The following CNOT4 variants were observed in gnomAD, a reference collection of about 807,000 sequenced individuals.
The protein encoded by CNOT4 is CCR4-NOT transcription complex subunit 4.
A neutral mutation model predicts 73.8 loss-of-function variants in CNOT4; 8 were observed. The ratio of observed to expected loss-of-function variants is 0.11; its 90% confidence interval spans 0.06 to 0.20. The LOEUF is 0.20. CNOT4 is among the 10% of genes least tolerant of loss of function. The pLI is 1.00. For synonymous variants in CNOT4, 293 were observed against 321.1 expected (o/e 0.91, Z 0.94); for missense variants, 564 against 883.4 (o/e 0.64, Z 4.58).
At chr7:135,460,442 A>G (rs1800808177) in intron 1 of CNOT4, among the ~76,000 whole-genome samples, 1 of 152,168 alleles carries the variant, frequency 6.6e-6, no homozygotes, top group African/African-American at 2.4e-5. Flanking sequence ...ACCTAATTTC[A>G]ATATTGTGTT....
intron 2 of CNOT4, among the ~76,000 whole-genome samples, chr7:135,428,757 G>T (rs1168561832): frequency 6.6e-6 from 1 of 151,942 alleles, no homozygotes; most frequent in Non-Finnish European, 1.5e-5. Context: ...CAGAGGAGAA[G>T]AAAGAGAAAA....
chr7:135,402,910 T>C (rs900432859), intron 7 of CNOT4, among the ~76,000 whole-genome samples: 66 of 152,270 alleles, frequency 4.3e-4, no homozygotes, highest in African/African-American at 1.5e-3. Flanking sequence ...TATAGTCTCA[T>C]GATTACTTTA....
chr7:135,509,346 A>AG (rs1804585140), intron 1 of CNOT4, among the ~76,000 whole-genome samples: 2 of 152,132 alleles, frequency 1.3e-5, no homozygotes, highest in Admixed American at 6.6e-5. Context: ...CAAGCACCAG[A>AG]GGGGGGCAAA....
chr7:135,441,267 T>C (rs1799463746), intron 1 of CNOT4, among the ~76,000 whole-genome samples: 2 of 152,034 alleles, frequency 1.3e-5, no homozygotes, highest in African/African-American at 4.8e-5. Flanking sequence ...ACAATTCAAA[T>C]GGCCCTTTAA....
intron 10 of CNOT4, among the ~76,000 whole-genome samples, chr7:135,385,315 C>T (rs1404489947): frequency 1.3e-5 from 2 of 152,226 alleles, no homozygotes; most frequent in Non-Finnish European, 2.9e-5. Flanking sequence ...GATCTCCTTA[C>T]TGCCCTATCC....
chr7:135,374,442 G>A (rs1795405489), intron 10 of CNOT4, among the ~76,000 whole-genome samples: 1 of 151,914 alleles, frequency 6.6e-6, no homozygotes, highest in African/African-American at 2.4e-5. Flanking sequence ...ATGGATAACA[G>A]CAGTGTTTAG....
intron 10 of CNOT4, among the ~76,000 whole-genome samples, chr7:135,379,812 G>C (rs1007498243): frequency 7.9e-5 from 12 of 152,132 alleles, no homozygotes; most frequent in Admixed American, 6.6e-4. Flanking sequence ...AAAATATACA[G>C]TTGTCAGACT....
chr7:135,499,935 G>C (rs936497469), intron 1 of CNOT4, among the ~76,000 whole-genome samples: 3 of 152,044 alleles, frequency 2.0e-5, no homozygotes, highest in Admixed American at 6.6e-5. Context: ...CAGCACACAC[G>C]ATCAGCTAAA....
At chr7:135,452,530 A>G (rs1185003916) in intron 1 of CNOT4, among the ~76,000 whole-genome samples, 1 of 152,128 alleles carries the variant, frequency 6.6e-6, no homozygotes, top group Non-Finnish European at 1.5e-5. Context: ...AGGTCGTATC[A>G]CTGCATTCCA....
intron 7 of CNOT4, among the ~76,000 whole-genome samples, chr7:135,405,613 CA>C (rs1473503928): frequency 3.3e-5 from 5 of 152,124 alleles, no homozygotes; most frequent in African/African-American, 1.2e-4. Context: ...ATATATAGTT[CA>C]AAACTCATTA....
intron 1 of CNOT4, among the ~76,000 whole-genome samples, chr7:135,506,211 A>G (rs891414109): frequency 6.6e-6 from 1 of 152,240 alleles, no homozygotes; most frequent in Non-Finnish European, 1.5e-5. Context: ...TTTATCCAAT[A>G]CATGCTATTC....
rs1796798825 is a variant in CNOT4 at position 135,398,162 on chromosome 7, A to C, written c.879+7T>G. 1 of 1,478,068 alleles carries C rather than the reference A, an allele frequency of 6.8e-7. No homozygotes were observed. Among genetic ancestry groups the C allele is most frequent in the Non-Finnish European group, 9.5e-7 (1 of 1,056,964 alleles). The allele number at this position is 1,478,068 out of a possible 1,614,324, so 91.6% of individuals were successfully genotyped here. ...ATAAATCAAGTGATACTGTATTCAA[A>C]TCTTACCTGCTGGGAATTATCACCG... On this transcript the variant is annotated splice_region_variant and intron_variant, in intron 8 of 11. Coordinates refer to ENST00000541284, the MANE Select transcript of CNOT4 (RefSeq NM_001190850.2).
chr7:135,395,631 T>C lies in CNOT4; in HGVS notation c.1129+3A>G. 1.2e-6 allele frequency: 2 copies of C among 1,613,504 alleles called. No homozygotes were observed. Among genetic ancestry groups the C allele is most frequent in the Non-Finnish European group, 1.7e-6 (2 of 1,179,560 alleles). On this transcript the variant is annotated splice_donor_region_variant and intron_variant, in intron 9 of 11. Transcript: ENST00000541284. ...ACTAATACTTGGTACTATTGTTATA[T>C]ACCTGATGTGAAGAGGCTCTGTGGT...
intron 6 of CNOT4, among the ~76,000 whole-genome samples, chr7:135,411,563 G>A (rs1263102947): frequency 1.3e-5 from 2 of 151,902 alleles, no homozygotes; most frequent in Admixed American, 1.3e-4. Flanking sequence ...GGAAAAATTA[G>A]GCAAAGATTG....
At chr7:135,453,041 T>G (rs933054161) in intron 1 of CNOT4, among the ~76,000 whole-genome samples, 3 of 152,222 alleles carry the variant, frequency 2.0e-5, no homozygotes, top group African/African-American at 4.8e-5. Flanking sequence ...AAGTATCTGA[T>G]AGGGTATAAC....
intron 9 of CNOT4, among the ~76,000 whole-genome samples, chr7:135,395,016 T>A (rs1383136377): frequency 6.6e-6 from 1 of 152,094 alleles, no homozygotes; most frequent in Non-Finnish European, 1.5e-5. Flanking sequence ...TACTACTAAA[T>A]AACTTGCATC....
At chr7:135,496,193 A>G (rs2129487950) in intron 1 of CNOT4, among the ~76,000 whole-genome samples, 1 of 152,280 alleles carries the variant, frequency 6.6e-6, no homozygotes, top group Non-Finnish European at 1.5e-5. Flanking sequence ...CCCGGGTTCA[A>G]GTGATTCTTA....
At chr7:135,397,419 G>A (rs965386094) in intron 8 of CNOT4, among the ~76,000 whole-genome samples, 1 of 151,990 alleles carries the variant, frequency 6.6e-6, no homozygotes, top group African/African-American at 2.4e-5. Flanking sequence ...TACACAAGGG[G>A]ATATACAGAT....
intron 1 of CNOT4, among the ~76,000 whole-genome samples, chr7:135,452,916 G>A (rs1475507119): frequency 6.6e-6 from 1 of 152,210 alleles, no homozygotes; most frequent in African/African-American, 2.4e-5. Flanking sequence ...AATCGAAGCT[G>A]AGACTAATTA....
Sources: gnomAD v4.1 joint callset for allele counts (sites outside exome capture counted in the v4.1 genomes callset) on GRCh38, gnomAD v4.1.1 for gene constraint, MANE v1.5 for transcripts, NCBI Gene and HGNC (gene_info 2026-07-23, HGNC 2026-07-21) for gene names.